Variants in AHCY observed in about 807,000 individuals in gnomAD.
The protein encoded by AHCY is S-adenosyl-L-homocysteine hydrolase.
In AHCY, 24 loss-of-function variants were observed where a neutral mutation model predicts 45.4. The ratio of observed to expected loss-of-function variants is 0.53; its 90% CI spans 0.38 to 0.74. The LOEUF (loss-of-function observed/expected upper bound fraction) is 0.74. Ranked by LOEUF, AHCY falls within the 30% of genes least tolerant of loss-of-function variation. The pLI is 0.00. For synonymous variants in AHCY, 245 were observed against 235.1 expected (o/e 1.04, Z -0.39); for missense variants, 449 against 594.1 (o/e 0.76, Z 2.54).
chr20:34,259,598 T>C, the AHCY span, among the ~76,000 whole-genome samples: 1 of 151,802 alleles, frequency 6.6e-6, no homozygotes, highest in African/African-American at 2.4e-5. Flanking sequence ...ATACAAAAAT[T>C]AGCCTGGCAT....
the AHCY span, among the ~76,000 whole-genome samples, chr20:34,249,292 G>A: frequency 1.3e-5 from 2 of 151,842 alleles, no homozygotes; most frequent in African/African-American, 4.8e-5. Flanking sequence ...CTCCCCAAAC[G>A]CATTCCCATC....
the AHCY span, among the ~76,000 whole-genome samples, chr20:34,253,511 T>C: frequency 2.0e-5 from 3 of 151,816 alleles, no homozygotes; most frequent in East Asian, 5.8e-4. Context: ...CTTGCTCCGT[T>C]GCCCAGGCCG....
At chr20:34,262,834 C>T in the AHCY span, 1 of 1,613,900 alleles carries the variant, frequency 6.2e-7, no homozygotes, top group Non-Finnish European at 8.5e-7. Context: ...CTTTGAAGCG[C>T]TGAACAAGAA....
chr20:34,293,670 G>C (rs1389093337), intron 3 of AHCY: 2 of 346,142 alleles, frequency 5.8e-6, no homozygotes, highest in Admixed American at 4.1e-5. Flanking sequence ...TGCCCAGCCT[G>C]TGAAAACTCC....
chr20:34,308,655 ATT>A (rs745327223), intron 1 of AHCY, among the ~76,000 whole-genome samples: 26 of 142,374 alleles, frequency 1.8e-4, no homozygotes, highest in Admixed American at 2.8e-4. Context: ...TAATTTGGCA[ATT>A]TTTTTTTTTT....
the AHCY span, among the ~76,000 whole-genome samples, chr20:34,264,099 A>G: frequency 6.6e-6 from 1 of 152,248 alleles, no homozygotes; most frequent in African/African-American, 2.4e-5. Flanking sequence ...TGTAGATACT[A>G]GTCTATTTTA....
chr20:34,265,013 C>A, the AHCY span, among the ~76,000 whole-genome samples: 4 of 152,006 alleles, frequency 2.6e-5, no homozygotes, highest in Admixed American at 1.3e-4. Flanking sequence ...CCGGGCTGGT[C>A]TCAAACTCCT....
chr20:34,311,001 C>G (rs1305079016), intron 1 of AHCY, among the ~76,000 whole-genome samples: 4 of 152,090 alleles, frequency 2.6e-5, no homozygotes, highest in Non-Finnish European at 5.9e-5. Context: ...TGGCACACAC[C>G]TGTAATCCCA....
the AHCY span, among the ~76,000 whole-genome samples, chr20:34,272,176 G>C: frequency 6.6e-6 from 1 of 152,320 alleles, no homozygotes; most frequent in East Asian, 1.9e-4. Flanking sequence ...TAATTCCCAG[G>C]AGAGGCTGAT....
the AHCY span, among the ~76,000 whole-genome samples, chr20:34,258,685 A>ATATATATATATATATG: frequency 2.3e-4 from 17 of 74,470 alleles, 2 homozygotes; most frequent in African/African-American, 1.5e-3. Context: ...ATATATATAT[A>ATATATATATATATATG]TATATACATA....
chr20:34,285,371 G>A (rs2036138041), intron 9 of AHCY, 69 bp downstream of exon 9: 1 of 1,573,422 alleles, frequency 6.4e-7, no homozygotes, highest in Admixed American at 1.7e-5. Context: ...ATAAACTCTG[G>A]CAAGCCCTGT....
intron 1 of AHCY, 96 bp from the exon 2 acceptor site, chr20:34,295,681 A>C: frequency 8.0e-7 from 1 of 1,251,584 alleles, no homozygotes; most frequent in Non-Finnish European, 1.1e-6. Context: ...GTGTGGACTC[A>C]ACACACTAGG....
At chr20:34,293,849 T>C in intron 3 of AHCY, 1 of 595,302 alleles carries the variant, frequency 1.7e-6, no homozygotes, top group Non-Finnish European at 3.0e-6. Context: ...CATAAGATCT[T>C]GCTCTTCCTG....
chr20:34,269,138 T>C, the AHCY span: 1 of 1,549,848 alleles, frequency 6.5e-7, no homozygotes, highest in Non-Finnish European at 8.7e-7. Flanking sequence ...CAGCGCCTGC[T>C]CCTGCCGCGT....
chr20:34,281,479 A>G (rs995594486), intron 9 of AHCY, among the ~76,000 whole-genome samples: 2 of 152,218 alleles, frequency 1.3e-5, no homozygotes, highest in Admixed American at 6.5e-5. Flanking sequence ...TGCACAGGAC[A>G]TATTTTCCAT....
intron 1 of AHCY, among the ~76,000 whole-genome samples, chr20:34,310,808 C>A (rs2036939727): frequency 6.6e-6 from 1 of 152,192 alleles, no homozygotes; most frequent in Non-Finnish European, 1.5e-5. Context: ...GCCTGGGCAA[C>A]AAAGCGAGAC....
chr20:34,236,164 AAAAG>A, the AHCY span, among the ~76,000 whole-genome samples: 13 of 151,384 alleles, frequency 8.6e-5, no homozygotes, highest in East Asian at 5.8e-4. Context: ...GGAGGGAGGG[AAAAG>A]AAAGAAAGAA....
At chr20:34,293,286 A>G (rs1322863175) in intron 3 of AHCY, among the ~76,000 whole-genome samples, 6 of 152,094 alleles carry the variant, frequency 3.9e-5, no homozygotes, top group African/African-American at 1.4e-4. Flanking sequence ...CCCATGTGGC[A>G]TGACTAGGGC....
the AHCY span, among the ~76,000 whole-genome samples, chr20:34,261,938 C>A: frequency 3.3e-5 from 5 of 151,966 alleles, no homozygotes; most frequent in Non-Finnish European, 7.4e-5. Flanking sequence ...CATGGCAAAA[C>A]CCCATCTCTA....
Sources: gnomAD v4.1 joint callset for allele counts (sites outside exome capture counted in the v4.1 genomes callset) on GRCh38, gnomAD v4.1.1 for gene constraint, MANE v1.5 for transcripts, NCBI Gene and HGNC (gene_info 2026-07-23, HGNC 2026-07-21) for gene names.